The following GRM8 variants were observed in gnomAD, a reference collection of about 807,000 sequenced individuals.
GRM8 encodes the protein glutamate metabotropic receptor 8.
In GRM8, 47 loss-of-function variants were observed where a neutral mutation model predicts 87.2. That is an observed-to-expected ratio of 0.54 (90% CI 0.43 to 0.69). The LOEUF (loss-of-function observed/expected upper bound fraction) is 0.69, where lower values mean the gene tolerates loss of function less well. GRM8 is among the 30% of genes least tolerant of loss of function. The pLI, the probability that GRM8 is intolerant of heterozygous loss-of-function variation, is 0.00. For missense variants in GRM8, 1,019 were observed against 1,139.2 expected (o/e 0.89, Z 1.52); for synonymous variants, 396 against 404.5 (o/e 0.98, Z 0.25).
intron 7 of GRM8, among the ~76,000 whole-genome samples, chr7:126,613,711 C>T (rs143180743): frequency 6.6e-6 from 1 of 152,316 alleles, no homozygotes; most frequent in Non-Finnish European, 1.5e-5. Flanking sequence ...TCTTAGCAAA[C>T]GGCACACCAG....
At chr7:126,722,178 G>A (rs1389498726) in intron 7 of GRM8, among the ~76,000 whole-genome samples, 5 of 152,092 alleles carry the variant, frequency 3.3e-5, no homozygotes, top group South Asian at 4.1e-4. Context: ...CCAGAACCCT[G>A]CATGAGGAAC....
In GRM8 at chr7:126,459,334, G is replaced by C. The variant is rs1027105755; in HGVS notation, c.2431-12962C>G. Among the ~76,000 whole-genome samples, 3 of 151,206 alleles carry C rather than the reference G, an allele frequency of 2.0e-5. No individual in the cohort carries two copies. In the East Asian group the frequency reaches 5.9e-4, roughly 30 times the overall value. Reference sequence around the variant, plus strand: ...GGTGAGTAAATCAGAAAGGTAGTACGTGACTGACAGAATGATGATGACCCT... The same window carrying C: ...GGTGAGTAAATCAGAAAGGTAGTACCTGACTGACAGAATGATGATGACCCT... On this transcript the variant is annotated intron_variant, in intron 9 of 10. Transcript: ENST00000339582.
chr7:127,032,694 T>C (rs1817491960), intron 3 of GRM8, among the ~76,000 whole-genome samples: 2 of 152,252 alleles, frequency 1.3e-5, no homozygotes, highest in African/African-American at 2.4e-5. Flanking sequence ...AAAGACCACA[T>C]AGCCCTCAAA....
chr7:126,467,899 G>C (rs1206005764), intron 9 of GRM8, among the ~76,000 whole-genome samples: 1 of 151,900 alleles, frequency 6.6e-6, no homozygotes, highest in Non-Finnish European at 1.5e-5. Flanking sequence ...ACCATTCTCA[G>C]AACATATCCA....
intron 6 of GRM8, among the ~76,000 whole-genome samples, chr7:126,820,755 C>A (rs532161206): frequency 1.3e-5 from 2 of 152,178 alleles, no homozygotes. Context: ...AATTTCCAAC[C>A]CTGCCATCTT....
chr7:127,133,140 C>A (rs1827776328), intron 2 of GRM8, among the ~76,000 whole-genome samples: 1 of 151,056 alleles, frequency 6.6e-6, no homozygotes, highest in African/African-American at 2.4e-5. Context: ...CTGTCTCGGG[C>A]CAAGCGCGGT....
intron 3 of GRM8, among the ~76,000 whole-genome samples, chr7:127,057,258 G>A (rs1489488523): frequency 6.6e-6 from 1 of 152,166 alleles, no homozygotes; most frequent in Non-Finnish European, 1.5e-5. Flanking sequence ...AGCAATCAGA[G>A]GGAAAAGTTA....
intron 8 of GRM8, among the ~76,000 whole-genome samples, chr7:126,566,103 A>G (rs755201482): frequency 1.3e-5 from 2 of 152,160 alleles, no homozygotes; most frequent in Non-Finnish European, 2.9e-5. Context: ...ATAGGAGAAA[A>G]TCTCCATGAC....
chr7:126,531,162 T>C (rs1242440849), intron 9 of GRM8, among the ~76,000 whole-genome samples: 1 of 152,212 alleles, frequency 6.6e-6, no homozygotes, highest in African/African-American at 2.4e-5. Context: ...ATCTTAGCTA[T>C]TTATAATATG....
chr7:126,724,805 C>G (rs1035864758), intron 7 of GRM8, among the ~76,000 whole-genome samples: 2 of 151,194 alleles, frequency 1.3e-5, no homozygotes, highest in Admixed American at 6.6e-5. Flanking sequence ...TAATACATCT[C>G]CTGTTATCTT....
chr7:126,618,968 A>T (rs537320581), intron 7 of GRM8, among the ~76,000 whole-genome samples: 1 of 152,228 alleles, frequency 6.6e-6, no homozygotes, highest in African/African-American at 2.4e-5. Context: ...CAGTGTGGTG[A>T]TTCCTCAAGG....
chr7:127,035,148 G>T (rs184784574), intron 3 of GRM8, among the ~76,000 whole-genome samples: 1 of 152,258 alleles, frequency 6.6e-6, no homozygotes, highest in African/African-American at 2.4e-5. Flanking sequence ...TTTAGACAAC[G>T]AATGATACTC....
At chr7:127,165,163 T>C (rs1237539512) in intron 2 of GRM8, among the ~76,000 whole-genome samples, 6 of 60,456 alleles carry the variant, frequency 9.9e-5, no homozygotes, top group Non-Finnish European at 1.9e-4. Flanking sequence ...TATATATATA[T>C]ATATATATAT....
Position 126,533,617 on chromosome 7 carries a change from A to G in GRM8, c.1765T>C (p.Phe589Leu). The change falls in exon 9 of 11, where the codon TTT becomes CTT. Residue 589 changes from phenylalanine to leucine, a missense_variant. Physicochemically the swap from Phe to Leu is conservative, Grantham distance 22. Coordinates refer to ENST00000339582, the MANE Select transcript of GRM8 (RefSeq NM_000845.3). ...WHSPWAVVPV[F>L]VAILGIIATT... The stretch of plus-strand genomic sequence containing the variant: ...GCGATGATTCCCAATATTGCAACAA[A>G]CACAGGCACCACAGCCCAGGGAGAA... 1 of 1,614,106 alleles carries G rather than the reference A, an allele frequency of 6.2e-7. No individual in the cohort carries two copies. Among genetic ancestry groups the G allele is most frequent in the Non-Finnish European group, 8.5e-7 (1 of 1,180,002 alleles).
intron 9 of GRM8, among the ~76,000 whole-genome samples, chr7:126,496,057 G>C (rs1808677425): frequency 6.6e-6 from 1 of 151,958 alleles, no homozygotes; most frequent in African/African-American, 2.4e-5. Flanking sequence ...GCTACTTGAT[G>C]AATGTTAGGG....
intron 2 of GRM8, among the ~76,000 whole-genome samples, chr7:127,174,544 T>G (rs1200672465): frequency 6.6e-6 from 1 of 152,162 alleles, no homozygotes; most frequent in Non-Finnish European, 1.5e-5. Context: ...ACCTATGCGT[T>G]TTTTCAATAA....
intron 2 of GRM8, among the ~76,000 whole-genome samples, chr7:127,179,675 T>C (rs10254891): frequency 0.014 from 2,183 of 152,114 alleles, 43 homozygotes; most frequent in African/African-American, 0.049. Flanking sequence ...GGAATAAAAC[T>C]GGAAATCAAC....
chr7:127,081,072 G>A (rs901518065), intron 3 of GRM8, among the ~76,000 whole-genome samples: 1 of 152,124 alleles, frequency 6.6e-6, no homozygotes, highest in Admixed American at 6.5e-5. Flanking sequence ...AGAAGATTTC[G>A]GTGTCAGAGA....
intron 8 of GRM8, among the ~76,000 whole-genome samples, chr7:126,558,440 C>G (rs1793371562): frequency 6.6e-6 from 1 of 152,130 alleles, no homozygotes; most frequent in Non-Finnish European, 1.5e-5. Flanking sequence ...AGCTTAACCA[C>G]AAAGCCACCC....
Sources: allele counts gnomAD v4.1 joint callset (sites outside exome capture counted in the v4.1 genomes callset), GRCh38; gene constraint gnomAD v4.1.1; transcripts MANE v1.5; gene names NCBI Gene and HGNC (gene_info 2026-07-23, HGNC 2026-07-21).